MARCHF1: variants seen among roughly 807,000 people sequenced by gnomAD.
MARCHF1 encodes E3 ubiquitin-protein ligase MARCHF1.
Under a neutral mutation model 54.2 loss-of-function variants are expected in MARCHF1, and 40 were observed. The observed-to-expected ratio is 0.74, with a 90% CI of 0.57 to 0.96. MARCHF1 has a LOEUF of 0.96. Among genes scored for constraint, MARCHF1 ranks in the 40% least tolerant of loss-of-function variants. MARCHF1 has a pLI of 0.00. For missense variants in MARCHF1, 586 were observed against 656.5 expected (o/e 0.89, Z 1.17); for synonymous variants, 236 against 236.3 (o/e 1.00, Z 0.01).
intron 4 of MARCHF1, among the ~76,000 whole-genome samples, chr4:163,848,685 CT>C (rs1010443467): frequency 1.9e-3 from 291 of 152,204 alleles, no homozygotes; most frequent in African/African-American, 6.7e-3. Flanking sequence ...GGTTTCTCCC[CT>C]GGCTGTCATA....
At chr4:164,195,259 G>A (rs1407320253) in intron 1 of MARCHF1, among the ~76,000 whole-genome samples, 1 of 151,670 alleles carries the variant, frequency 6.6e-6, no homozygotes, top group Non-Finnish European at 1.5e-5. Context: ...GCACTCATAT[G>A]TTTACCAAAT....
intron 2 of MARCHF1, among the ~76,000 whole-genome samples, chr4:164,006,182 T>C (rs1459265221): frequency 6.6e-6 from 1 of 152,086 alleles, no homozygotes. Context: ...GAATTCAAAA[T>C]AGCAGATTTA....
In MARCHF1 at chr4:164,197,105, C is replaced by T. The variant is rs749696356; in HGVS notation, c.-322-85443G>A. ...TTATAACCTTCTTCATCCTCCTCGT[C>T]CCCTCCACTCACGTCCTCCTCTTCA... On this transcript the variant is annotated intron_variant, in intron 1 of 9. Coordinates refer to ENST00000514618, the MANE Select transcript of MARCHF1 (RefSeq NM_001394959.1). The T allele has an allele frequency of 3.1e-6, 5 of 1,606,734 alleles. No individual in the cohort carries two copies. In the Admixed American group the frequency reaches 6.7e-5, roughly 22 times the overall value.
At chr4:163,600,481 T>C (rs1367734671) in intron 7 of MARCHF1, among the ~76,000 whole-genome samples, 1 of 152,168 alleles carries the variant, frequency 6.6e-6, no homozygotes, top group Non-Finnish European at 1.5e-5. Flanking sequence ...AGGGCTTTTC[T>C]AGCTCTAACT....
rs58385154 is a variant in MARCHF1 at position 164,325,333 on chromosome 4, T to TTATATATATATATATATA, written c.-323+58519_-323+58536dup. Among the ~76,000 whole-genome samples the TTATATATATATATATATA allele has an allele frequency of 6.8e-3, 945 of 138,286 alleles. 14 individuals carry two copies. Among genetic ancestry groups the TTATATATATATATATATA allele is most frequent in the East Asian group, 0.051 (215 of 4,204 alleles). 90.7% of individuals were successfully genotyped at this position (138,286 alleles called of 152,430 possible). On this transcript the variant is annotated intron_variant, in intron 1 of 9. Transcript: ENST00000514618. ...GGACCAGTGAGTTGGTAGACAGAAA[T>TTATATATATATATATATA]TATATATATATATATATATATATTT...
At chr4:164,088,807 A>T (rs753957876) in intron 2 of MARCHF1, among the ~76,000 whole-genome samples, 3 of 152,204 alleles carry the variant, frequency 2.0e-5, no homozygotes, top group South Asian at 4.1e-4. Context: ...AGACAACTTA[A>T]TAAGATAATC....
At chr4:164,084,893 G>A (rs116784912) in intron 2 of MARCHF1, among the ~76,000 whole-genome samples, 1,916 of 151,534 alleles carry the variant, frequency 0.013, 29 homozygotes, top group African/African-American at 0.041. Context: ...TTGTGTAAGT[G>A]GAAAAGCTGA....
intron 2 of MARCHF1, among the ~76,000 whole-genome samples, chr4:164,050,334 C>T (rs545444490): frequency 5.4e-5 from 8 of 147,748 alleles, no homozygotes; most frequent in Non-Finnish European, 1.2e-4. Context: ...TCAGTTCATC[C>T]TCCCACTGCA....
At chr4:164,053,628 C>A (rs1754421064) in intron 2 of MARCHF1, among the ~76,000 whole-genome samples, 1 of 152,178 alleles carries the variant, frequency 6.6e-6, no homozygotes, top group Admixed American at 6.5e-5. Context: ...GCCTCATCAA[C>A]CTTCTTTATT....
intron 1 of MARCHF1, among the ~76,000 whole-genome samples, chr4:164,225,686 C>T (rs535146441): frequency 3.9e-5 from 6 of 151,904 alleles, no homozygotes; most frequent in Admixed American, 1.3e-4. Flanking sequence ...AGCTGACAAA[C>T]GAAGTGCTAA....
chr4:163,989,673 G>C (rs1218124171), intron 2 of MARCHF1, among the ~76,000 whole-genome samples: 1 of 152,146 alleles, frequency 6.6e-6, no homozygotes, highest in Non-Finnish European at 1.5e-5. Flanking sequence ...TCTCAGTGAA[G>C]TAAATTCTTA....
chr4:163,590,374 A>C (rs1193704796), intron 7 of MARCHF1, among the ~76,000 whole-genome samples: 3 of 151,986 alleles, frequency 2.0e-5, no homozygotes, highest in Non-Finnish European at 4.4e-5. Flanking sequence ...TGCTATATGC[A>C]AAGAAAATCA....
intron 1 of MARCHF1, among the ~76,000 whole-genome samples, chr4:164,199,669 CACACACACACACAGAGAG>C (rs1367102455): frequency 1.4e-3 from 88 of 60,838 alleles, no homozygotes; most frequent in African/African-American, 4.5e-3. Context: ...CACACACACA[CACACACACACACAGAGAG>C]AGAGAGAGAG....
At chr4:163,761,188 A>C (rs191620149) in intron 4 of MARCHF1, among the ~76,000 whole-genome samples, 323 of 152,352 alleles carry the variant, frequency 2.1e-3, no homozygotes, top group Non-Finnish European at 3.6e-3. Context: ...AACTGCTAGA[A>C]TATATACTTG....
At chr4:163,890,289 G>A (rs1468899256) in intron 3 of MARCHF1, among the ~76,000 whole-genome samples, 1 of 152,052 alleles carries the variant, frequency 6.6e-6, no homozygotes, top group Non-Finnish European at 1.5e-5. Context: ...GATGTTTTGT[G>A]CCAAAATTAA....
intron 1 of MARCHF1, among the ~76,000 whole-genome samples, chr4:164,314,809 G>A (rs1430954757): frequency 6.6e-6 from 1 of 151,970 alleles, no homozygotes; most frequent in South Asian, 2.1e-4. Context: ...CAGATACTAT[G>A]TTCACTAAGT....
chr4:163,568,479 A>T (rs1433785694), intron 8 of MARCHF1, among the ~76,000 whole-genome samples: 2 of 152,156 alleles, frequency 1.3e-5, no homozygotes, highest in Non-Finnish European at 2.9e-5. Context: ...GATGTAGGCT[A>T]TGTGGAAACC....
intron 3 of MARCHF1, among the ~76,000 whole-genome samples, chr4:163,854,553 A>C (rs1161221225): frequency 6.6e-6 from 1 of 152,198 alleles, no homozygotes; most frequent in Non-Finnish European, 1.5e-5. Context: ...AATGACATCT[A>C]AAATTTGGCA....
chr4:164,380,502 T>A (rs1731336269), intron 1 of MARCHF1, among the ~76,000 whole-genome samples: 1 of 152,190 alleles, frequency 6.6e-6, no homozygotes, highest in African/African-American at 2.4e-5. Context: ...AACACATATT[T>A]CCTACCACTG....
Sources: gnomAD v4.1 joint callset for allele counts (sites outside exome capture counted in the v4.1 genomes callset) on GRCh38, gnomAD v4.1.1 for gene constraint, MANE v1.5 for transcripts, NCBI Gene and HGNC (gene_info 2026-07-23, HGNC 2026-07-21) for gene names.